The following CDK14 variants were observed in gnomAD, a reference collection of about 807,000 sequenced individuals.
CDK14 encodes the protein cyclin-dependent kinase 14.
CDK14 carries 34 observed loss-of-function variants against 60.7 expected under a neutral mutation model. That is an observed-to-expected ratio of 0.56 (90% CI 0.43 to 0.75). The LOEUF (loss-of-function observed/expected upper bound fraction) is 0.75. CDK14 is among the 30% of genes least tolerant of loss of function. The probability of loss-of-function intolerance (pLI) is 0.00; values close to 1 mark genes in which losing one functional copy is unlikely to be tolerated. For missense variants in CDK14, 482 were observed against 564.1 expected, an observed-to-expected ratio of 0.85 and a Z score of 1.47; for synonymous variants, 197 against 203.7, an observed-to-expected ratio of 0.97 and a Z score of 0.28.
chr7:90,790,395 A>G (rs561122675), intron 4 of CDK14, among the ~76,000 whole-genome samples, 178 bp from the exon 5 acceptor site: 2 of 152,330 alleles, frequency 1.3e-5, no homozygotes, highest in Admixed American at 1.3e-4. Context: ...TAAAATGTGA[A>G]TATTTATGAT....
intron 2 of CDK14, among the ~76,000 whole-genome samples, chr7:90,693,808 A>G (rs1382263878): frequency 2.6e-5 from 4 of 152,146 alleles, no homozygotes; most frequent in Non-Finnish European, 5.9e-5. Context: ...CTGATTTGGT[A>G]TTAATTGTAA....
chr7:91,200,523 G>C (rs185922090), intron 14 of CDK14, among the ~76,000 whole-genome samples: 1 of 152,192 alleles, frequency 6.6e-6, no homozygotes, highest in African/African-American at 2.4e-5. Context: ...AAACCTTCTT[G>C]ACATGGTACT....
chr7:90,871,546 TAGA>T (rs1354866004), intron 6 of CDK14, among the ~76,000 whole-genome samples: 1 of 152,186 alleles, frequency 6.6e-6, no homozygotes, highest in African/African-American at 2.4e-5. Context: ...GCTTAATTCT[TAGA>T]AGAATGCTCA....
rs2116031076 is a variant in CDK14 at position 91,207,445 on chromosome 7, C to T, written c.*309C>T. The T allele has an allele frequency of 6.6e-6, 1 of 152,648 alleles. No homozygotes were observed. The highest frequency in any genetic ancestry group is 2.1e-4 in the South Asian group (1 of 4,824). 9.5% of individuals were successfully genotyped at this position (152,648 alleles called of 1,614,324 possible). A position where few individuals can be genotyped will look rare whatever the true frequency, so the allele number is the denominator to read the frequency against. ...TTTGTGTTTGATTTTGTTTGATTTCCCTCTGCAGCACAGCGTCTCTGTAAA... is the reference window on the plus strand; with the variant it reads ...TTTGTGTTTGATTTTGTTTGATTTCTCTCTGCAGCACAGCGTCTCTGTAAA... On this transcript the variant is annotated 3_prime_UTR_variant, in exon 15 of 15. Transcript: ENST00000380050.
At chr7:90,657,454 A>G (rs1005673657) in intron 2 of CDK14, among the ~76,000 whole-genome samples, 11 of 152,212 alleles carry the variant, frequency 7.2e-5, no homozygotes, top group African/African-American at 2.2e-4. Context: ...TTAGCATGTG[A>G]TAGTAAATTT....
intron 2 of CDK14, among the ~76,000 whole-genome samples, chr7:90,650,916 C>T (rs60379755): frequency 0.09 from 13,739 of 152,150 alleles, 804 homozygotes; most frequent in South Asian, 0.15. Context: ...GTTCTTTTGG[C>T]TTAGGATTGT....
intron 3 of CDK14, among the ~76,000 whole-genome samples, chr7:90,746,982 G>C (rs759669460): frequency 9.2e-5 from 14 of 152,050 alleles, no homozygotes; most frequent in Non-Finnish European, 1.6e-4. Flanking sequence ...ATTTACAATG[G>C]GATACAGTAA....
At chr7:91,142,161 T>G (rs1439530634) in intron 14 of CDK14, among the ~76,000 whole-genome samples, 1 of 152,188 alleles carries the variant, frequency 6.6e-6, no homozygotes, top group Non-Finnish European at 1.5e-5. Flanking sequence ...ATAGTCAACT[T>G]TTAAAACTAT....
chr7:91,139,332 A>G (rs1800374597), intron 14 of CDK14, among the ~76,000 whole-genome samples: 1 of 152,216 alleles, frequency 6.6e-6, no homozygotes, highest in Non-Finnish European at 1.5e-5. Context: ...AGTAAAAATA[A>G]TAAGTATCAT....
chr7:90,606,470 A>G lies in CDK14; in HGVS notation c.123+2221A>G, dbSNP rs139218507. Among the ~76,000 whole-genome samples the G allele has an allele frequency of 2.6e-5, 4 of 152,324 alleles. No individual in the cohort carries two copies. The East Asian group carries it at 7.7e-4, about 29-fold the overall frequency. The stretch of plus-strand genomic sequence containing the variant: ...TGTTATCATCTTCATTGCCTTCATC[A>G]TCACCATCATCATCGTCATTGATGC... On this transcript the variant is annotated intron_variant, in intron 2 of 14. Transcript: ENST00000380050.
intron 10 of CDK14, among the ~76,000 whole-genome samples, chr7:91,028,204 A>G (rs1584245986): frequency 6.6e-6 from 1 of 151,314 alleles, no homozygotes; most frequent in African/African-American, 2.4e-5. Flanking sequence ...GTTCCATCCA[A>G]GTTGCTGCAC....
At chr7:91,063,418 A>T (rs1444889830) in intron 11 of CDK14, among the ~76,000 whole-genome samples, 4 of 152,368 alleles carry the variant, frequency 2.6e-5, no homozygotes, top group East Asian at 3.9e-4. Flanking sequence ...ATCTGATAAG[A>T]TTTCCTTCAC....
intron 9 of CDK14, among the ~76,000 whole-genome samples, chr7:90,958,238 C>T (rs1794491701): frequency 1.3e-5 from 2 of 151,966 alleles, no homozygotes; most frequent in East Asian, 3.9e-4. Flanking sequence ...TTCTAGCAGC[C>T]CTCCCTAAGA....
intron 2 of CDK14, among the ~76,000 whole-genome samples, chr7:90,664,485 G>T (rs545644685): frequency 6.6e-6 from 1 of 152,056 alleles, no homozygotes; most frequent in Non-Finnish European, 1.5e-5. Context: ...AAGACACATG[G>T]GCACGTATGT....
chr7:91,029,573 T>TCTCTCGTCTCCTCTC, intron 10 of CDK14, among the ~76,000 whole-genome samples: 2 of 130,224 alleles, frequency 1.5e-5, no homozygotes, highest in South Asian at 5.6e-4. Context: ...GGCTTCCTTC[T>TCTCTCGTCTCCTCTC]CTCTCCTCTC....
In CDK14 at chr7:90,917,623, G is replaced by A. The variant is rs1260973082; in HGVS notation, c.725G>A (p.Arg242Gln). 4.3e-6 allele frequency: 7 copies of A among 1,612,472 alleles called. No homozygotes were observed. Among genetic ancestry groups the A allele is most frequent in the African/African-American group, 1.3e-5 (1 of 74,832 alleles). ...CAGTTGTTTTTATTTCAGTTGCTGC[G>A]AGGTCTGTCTTACATCCACCAGCGT... ...NVKLFLFQLL[R>Q]GLSYIHQRYI... Residue 242 changes from arginine to glutamine, a missense_variant, in exon 8 of 15, where the codon CGA (arginine) becomes CAA (glutamine). Arg to Gln is a conservative substitution (Grantham distance 43). Transcript: ENST00000380050.
At chr7:90,706,492 GA>G (rs1277059949) in intron 2 of CDK14, among the ~76,000 whole-genome samples, 1 of 152,154 alleles carries the variant, frequency 6.6e-6, no homozygotes, top group Non-Finnish European at 1.5e-5. Context: ...GAACAAACGA[GA>G]AGTCCATGCT....
At chr7:90,681,471 C>G (rs1007395607) in intron 2 of CDK14, among the ~76,000 whole-genome samples, 5 of 152,156 alleles carry the variant, frequency 3.3e-5, no homozygotes, top group Non-Finnish European at 7.4e-5. Context: ...CCTTTACATT[C>G]TCTCTGAGAA....
chr7:90,615,228 C>T (rs1301452079), intron 2 of CDK14, among the ~76,000 whole-genome samples: 1 of 152,160 alleles, frequency 6.6e-6, no homozygotes. Context: ...ATGCATCAGG[C>T]AAGTACTTAT....
Sources: gnomAD v4.1 joint callset for allele counts (sites outside exome capture counted in the v4.1 genomes callset) on GRCh38, gnomAD v4.1.1 for gene constraint, MANE v1.5 for transcripts, NCBI Gene and HGNC (gene_info 2026-07-23, HGNC 2026-07-21) for gene names.